The following DYNC1LI1 variants were observed in gnomAD, a reference collection of about 807,000 sequenced individuals.
The protein encoded by DYNC1LI1 is cytoplasmic dynein 1 light intermediate chain 1.
In DYNC1LI1, 19 loss-of-function variants were observed where a neutral mutation model predicts 63.8. The ratio of observed to expected loss-of-function variants is 0.30; its 90% CI spans 0.21 to 0.44. The LOEUF is 0.44. Ranked by LOEUF, DYNC1LI1 falls within the 20% of genes least tolerant of loss-of-function variation. The pLI is 1.00. For synonymous variants in DYNC1LI1, 225 were observed against 232.3 expected (o/e 0.97, Z 0.28); for missense variants, 565 against 630.2 (o/e 0.90, Z 1.11).
chr3:32,565,257 T>C (rs748561868), intron 2 of DYNC1LI1, among the ~76,000 whole-genome samples: 21 of 152,218 alleles, frequency 1.4e-4, no homozygotes, highest in Non-Finnish European at 2.4e-4. Context: ...TTGGAGATCA[T>C]TAAATTCAAA....
At chr3:32,570,516 G>T in intron 1 of DYNC1LI1, 97 bp from the exon 2 acceptor site, 1 of 1,479,138 alleles carries the variant, frequency 6.8e-7, no homozygotes, top group African/African-American at 1.5e-5. Flanking sequence ...GGGCTGCCGG[G>T]AACGCAGTGG....
intron 7 of DYNC1LI1, among the ~76,000 whole-genome samples, chr3:32,533,560 G>T (rs567879750): frequency 6.7e-6 from 1 of 148,824 alleles, no homozygotes; most frequent in African/African-American, 2.5e-5. Context: ...AATTTTATAC[G>T]GTTACCTTTT....
intron 8 of DYNC1LI1, chr3:32,530,900 T>C (rs565038421): frequency 6.2e-6 from 1 of 162,272 alleles, no homozygotes; most frequent in Admixed American, 6.2e-5. Context: ...CACAAGCATA[T>C]TAATCATGCT....
chr3:32,549,584 A>G (rs1323830707), intron 2 of DYNC1LI1, among the ~76,000 whole-genome samples: 1 of 151,940 alleles, frequency 6.6e-6, no homozygotes, highest in Non-Finnish European at 1.5e-5. Context: ...AGCTTACTGA[A>G]CAACACAATA....
chr3:32,530,737 G>A, intron 8 of DYNC1LI1: 1 of 485,984 alleles, frequency 2.1e-6, no homozygotes, highest in Non-Finnish European at 3.7e-6. Flanking sequence ...TATCTGTGCT[G>A]TTCAATATGG....
intron 4 of DYNC1LI1, among the ~76,000 whole-genome samples, chr3:32,543,398 C>CTTTT (rs968681360): frequency 1.3e-4 from 17 of 127,454 alleles, no homozygotes; most frequent in Middle Eastern, 4.0e-3. Context: ...TATTTCCTTT[C>CTTTT]TTTTTTTTTT....
At chr3:32,561,504 C>T (rs758331881) in intron 2 of DYNC1LI1, among the ~76,000 whole-genome samples, 19 of 151,896 alleles carry the variant, frequency 1.3e-4, no homozygotes, top group African/African-American at 1.9e-4. Context: ...TGGCACACGC[C>T]GGTGGTCCCA....
chr3:32,545,718 T>C, intron 3 of DYNC1LI1, 131 bp downstream of exon 3: 2 of 727,700 alleles, frequency 2.7e-6, no homozygotes. Context: ...TAAACATAGC[T>C]ATTTCTTGAC....
chr3:32,530,726 A>T, intron 8 of DYNC1LI1: 1 of 539,614 alleles, frequency 1.9e-6, no homozygotes, highest in Admixed American at 3.1e-5. Context: ...GAAATATTCT[A>T]TATCTGTGCT....
At chr3:32,528,892 T>C (rs1697658132) in intron 11 of DYNC1LI1, among the ~76,000 whole-genome samples, 1 of 152,184 alleles carries the variant, frequency 6.6e-6, no homozygotes, top group Non-Finnish European at 1.5e-5. Flanking sequence ...AAGGATTCTT[T>C]AAAAATAGAA....
At chr3:32,529,513 CTTG>C in intron 11 of DYNC1LI1, 24 bp downstream of exon 11, 1 of 1,583,098 alleles carries the variant, frequency 6.3e-7, no homozygotes, top group Non-Finnish European at 8.6e-7. Flanking sequence ...AATGTATTGT[CTTG>C]TTATCTCCTA....
intron 2 of DYNC1LI1, among the ~76,000 whole-genome samples, chr3:32,559,077 A>G (rs1321183162): frequency 1.4e-5 from 2 of 145,780 alleles, no homozygotes; most frequent in South Asian, 2.1e-4. Flanking sequence ...TTTTTTTTAA[A>G]GACAGAGTCT....
intron 11 of DYNC1LI1, among the ~76,000 whole-genome samples, chr3:32,529,106 C>T (rs960811065): frequency 6.6e-6 from 1 of 152,096 alleles, no homozygotes; most frequent in Non-Finnish European, 1.5e-5. Context: ...AACTGCAACA[C>T]TCAATGTTGA....
chr3:32,563,206 C>A (rs1698215850), intron 2 of DYNC1LI1, among the ~76,000 whole-genome samples: 1 of 151,486 alleles, frequency 6.6e-6, no homozygotes, highest in Non-Finnish European at 1.5e-5. Flanking sequence ...AAATGGTAAT[C>A]TGTGGGGTCT....
Position 32,533,037 on chromosome 3 carries a change from T to C in DYNC1LI1, c.1029A>G (p.Leu343=), listed in dbSNP as rs1479042463. Residue 343 remains leucine, a synonymous_variant, in exon 8 of 13, where the codon TTA becomes TTG. Coordinates refer to ENST00000273130, the MANE Select transcript of DYNC1LI1 (RefSeq NM_016141.4). The part of the protein sequence containing the change: ...IGILHENFQT[L]KAEDNFEDII... ...TGTCTTCAAAATTATCTTCTGCTTT[T>C]AATGTTTGAAAATTTTCATGTAATA... 3.1e-6 allele frequency: 5 copies of C among 1,604,544 alleles called. No individual in the cohort carries two copies. The highest frequency in any genetic ancestry group is 3.4e-6 in the Non-Finnish European group (4 of 1,178,002).
chr3:32,530,674 A>C, intron 8 of DYNC1LI1, 154 bp from the exon 9 acceptor site: 1 of 653,600 alleles, frequency 1.5e-6, no homozygotes, highest in Non-Finnish European at 2.6e-6. Flanking sequence ...TGCCCTACCC[A>C]AGGCCTTCAG....
intron 2 of DYNC1LI1, among the ~76,000 whole-genome samples, chr3:32,554,473 T>C (rs1698085009): frequency 6.6e-6 from 1 of 152,202 alleles, no homozygotes; most frequent in South Asian, 2.1e-4. Flanking sequence ...TAAATAACAT[T>C]TCATAAACAC....
intron 5 of DYNC1LI1, among the ~76,000 whole-genome samples, chr3:32,539,899 C>G (rs1268614931): frequency 3.3e-5 from 5 of 151,350 alleles, no homozygotes; most frequent in Non-Finnish European, 7.4e-5. Context: ...GAGTCTCACT[C>G]TGTAGCCCAG....
chr3:32,528,376 A>G, intron 12 of DYNC1LI1, 70 bp downstream of exon 12: 2 of 1,550,388 alleles, frequency 1.3e-6, no homozygotes, highest in Non-Finnish European at 8.9e-7. Flanking sequence ...TACACTTTAC[A>G]TGAGTGAACT....
Sources: allele counts gnomAD v4.1 joint callset (sites outside exome capture counted in the v4.1 genomes callset), GRCh38; gene constraint gnomAD v4.1.1; transcripts MANE v1.5; gene names NCBI Gene and HGNC (gene_info 2026-07-23, HGNC 2026-07-21).